Variants in CNTNAP2 observed in about 807,000 individuals in gnomAD.
CNTNAP2 encodes the protein contactin-associated protein-like 2.
CNTNAP2 carries 98 observed loss-of-function variants against 155.2 expected under a neutral mutation model. The ratio of observed to expected loss-of-function variants is 0.63; its 90% confidence interval spans 0.54 to 0.75. The LOEUF (loss-of-function observed/expected upper bound fraction) is 0.75, where lower values mean the gene tolerates loss of function less well. CNTNAP2 is among the 30% of genes least tolerant of loss of function. The pLI is 0.00. For missense variants in CNTNAP2, 1,727 were observed against 1,688.1 expected, an observed-to-expected ratio of 1.02 and a Z score of -0.40; for synonymous variants, 651 against 631.2, an observed-to-expected ratio of 1.03 and a Z score of -0.47.
intron 8 of CNTNAP2, among the ~76,000 whole-genome samples, chr7:147,171,663 T>C (rs1018119162): frequency 6.6e-6 from 1 of 152,204 alleles, no homozygotes. Context: ...AATACCTCTG[T>C]AATAATTTCA....
intron 3 of CNTNAP2, among the ~76,000 whole-genome samples, chr7:146,869,733 G>C (rs895751094): frequency 6.6e-6 from 1 of 152,064 alleles, no homozygotes; most frequent in Non-Finnish European, 1.5e-5. Flanking sequence ...GGAAGCATCC[G>C]TCATGGGAGA....
At chr7:146,567,607 T>A (rs1304845146) in intron 1 of CNTNAP2, among the ~76,000 whole-genome samples, 1 of 152,234 alleles carries the variant, frequency 6.6e-6, no homozygotes, top group Non-Finnish European at 1.5e-5. Flanking sequence ...TTATTCTAAG[T>A]AGTGTCAAGC....
chr7:147,925,150 AGAGAGAAGGAAGGAAGGAAGGAAG>A (rs1563137140), intron 14 of CNTNAP2, among the ~76,000 whole-genome samples: 3 of 76,458 alleles, frequency 3.9e-5, no homozygotes, highest in Admixed American at 1.5e-4. Flanking sequence ...AGAGAGAGAG[AGAGAGAAGGAAGGAAGGAAGGAAG>A]GAAGGAAGGA....
intron 1 of CNTNAP2, among the ~76,000 whole-genome samples, chr7:146,454,472 T>C (rs1584933045): frequency 6.6e-6 from 1 of 152,122 alleles, no homozygotes; most frequent in African/African-American, 2.4e-5. Context: ...AAATTTTTAC[T>C]GTGTAGTAAG....
intron 21 of CNTNAP2, among the ~76,000 whole-genome samples, chr7:148,279,829 A>T (rs777124358): frequency 6.6e-6 from 1 of 152,250 alleles, no homozygotes; most frequent in African/African-American, 2.4e-5. Flanking sequence ...AACAGCTTGG[A>T]TGAATCTCTA....
intron 1 of CNTNAP2, among the ~76,000 whole-genome samples, chr7:146,322,506 A>G (rs946409912): frequency 1.3e-5 from 2 of 152,002 alleles, no homozygotes; most frequent in Non-Finnish European, 2.9e-5. Flanking sequence ...TCCTAGAATG[A>G]TTTCATTCAT....
At chr7:146,230,782 G>A (rs1286046001) in intron 1 of CNTNAP2, among the ~76,000 whole-genome samples, 3 of 152,066 alleles carry the variant, frequency 2.0e-5, no homozygotes, top group Non-Finnish European at 4.4e-5. Context: ...TTGGGAGGCC[G>A]AGGCAGGTGG....
chr7:147,473,502 C>A (rs1252140827), intron 10 of CNTNAP2, among the ~76,000 whole-genome samples: 2 of 151,650 alleles, frequency 1.3e-5, no homozygotes, highest in Non-Finnish European at 2.9e-5. Context: ...CAATTACCTT[C>A]CTGAATTTTT....
chr7:147,653,617 C>A (rs1279429515), intron 13 of CNTNAP2, among the ~76,000 whole-genome samples: 1 of 152,046 alleles, frequency 6.6e-6, no homozygotes, highest in Non-Finnish European at 1.5e-5. Flanking sequence ...AGGGGAGGAA[C>A]CACGCTGAGG....
At chr7:146,841,882 G>C (rs932496970) in intron 3 of CNTNAP2, among the ~76,000 whole-genome samples, 4 of 140,794 alleles carry the variant, frequency 2.8e-5, no homozygotes, top group African/African-American at 1.1e-4. Flanking sequence ...AGCTTGTCTT[G>C]GAGTCTTTTT....
chr7:146,494,568 T>A (rs963214095), intron 1 of CNTNAP2, among the ~76,000 whole-genome samples: 6 of 152,134 alleles, frequency 3.9e-5, no homozygotes, highest in Admixed American at 6.5e-5. Flanking sequence ...CAGAACAGCA[T>A]GAGACTTGAA....
At chr7:147,311,746 A>G (rs1180075526) in intron 9 of CNTNAP2, among the ~76,000 whole-genome samples, 2 of 152,152 alleles carry the variant, frequency 1.3e-5, no homozygotes, top group African/African-American at 2.4e-5. Flanking sequence ...TTGTTTGCAT[A>G]TCTAATACTC....
intron 3 of CNTNAP2, among the ~76,000 whole-genome samples, chr7:146,958,407 GTTTTT>G (rs71165054): frequency 1.3e-5 from 1 of 78,032 alleles, no homozygotes; most frequent in South Asian, 5.6e-4. Context: ...CATTTTTATG[GTTTTT>G]TTTTTTTTTT....
chr7:147,399,449 G>C (rs2116463321), intron 10 of CNTNAP2, among the ~76,000 whole-genome samples: 1 of 152,258 alleles, frequency 6.6e-6, no homozygotes, highest in Middle Eastern at 3.4e-3. Flanking sequence ...ATATATTTTG[G>C]AGGCAGAGTC....
At chr7:147,681,815 CT>C (rs772139714) in intron 13 of CNTNAP2, among the ~76,000 whole-genome samples, 34 of 151,646 alleles carry the variant, frequency 2.2e-4, no homozygotes, top group Non-Finnish European at 4.9e-4. Flanking sequence ...GAGAGAGAGA[CT>C]ACATTCATGT....
At chr7:147,731,478 T>C (rs1354275929) in intron 13 of CNTNAP2, among the ~76,000 whole-genome samples, 6 of 152,080 alleles carry the variant, frequency 3.9e-5, no homozygotes, top group South Asian at 2.1e-4. Context: ...AAGCCCACTA[T>C]TGAGACATAC....
At chr7:148,369,773 A>G (rs1473150326) in intron 21 of CNTNAP2, among the ~76,000 whole-genome samples, 1 of 152,000 alleles carries the variant, frequency 6.6e-6, no homozygotes, top group Non-Finnish European at 1.5e-5. Flanking sequence ...CAGAAGGCAC[A>G]TACTGGCCAA....
chr7:147,367,910 C>G (rs1437076285), intron 9 of CNTNAP2, among the ~76,000 whole-genome samples: 2 of 151,944 alleles, frequency 1.3e-5, no homozygotes, highest in Non-Finnish European at 2.9e-5. Context: ...ATGGGCTAAC[C>G]TTTGCGGTCA....
rs1796997681 is a variant in CNTNAP2, at chr7:146,483,285, ATATATAT to A, written c.98-290985_98-290979del. Among the ~76,000 whole-genome samples, 240 of 47,214 alleles carry A rather than the reference ATATATAT, an allele frequency of 5.1e-3. 8 individuals carry two copies. The highest frequency in any genetic ancestry group is 0.021 in the Middle Eastern group (2 of 94). The allele number at this position is 47,214 out of a possible 152,430, so 31.0% of individuals were successfully genotyped here. On this transcript the variant is annotated intron_variant, in intron 1 of 23. Coordinates refer to ENST00000361727, the MANE Select transcript of CNTNAP2 (RefSeq NM_014141.6). ...AGCAAGACTCCGTCTAAAAAAAAAT[ATATATAT>A]ATATATATATATATATATATATATA...
Sources: gnomAD v4.1 joint callset for allele counts (sites outside exome capture counted in the v4.1 genomes callset) on GRCh38, gnomAD v4.1.1 for gene constraint, MANE v1.5 for transcripts, NCBI Gene and HGNC (gene_info 2026-07-23, HGNC 2026-07-21) for gene names.